The following PARP4 variants were observed in gnomAD, a reference collection of about 807,000 sequenced individuals.
PARP4 encodes poly(ADP-ribose) polymerase family member 4.
In PARP4, 120 loss-of-function variants were observed where a neutral mutation model predicts 187.7. That is an observed-to-expected ratio of 0.64 (90% confidence interval 0.55 to 0.74). The LOEUF is 0.74. Among genes scored for constraint, PARP4 ranks in the 30% least tolerant of loss-of-function variants. The pLI is 0.00. For synonymous variants in PARP4, 654 were observed against 740.9 expected (o/e 0.88, Z 1.90); for missense variants, 1,836 against 2,070.5 (o/e 0.89, Z 2.20).
Position 24,435,445 on chromosome 13 carries a change from T to C in PARP4, c.3696A>G (p.Glu1232=). 1 of 1,606,082 alleles carries C rather than the reference T, an allele frequency of 6.2e-7. No individual in the cohort carries two copies. The highest frequency in any genetic ancestry group is 8.5e-7 in the Non-Finnish European group (1 of 1,177,962). The change falls in exon 31 of 34, where the codon GAA becomes GAG. Residue 1232 remains glutamate, a synonymous_variant. Transcript: ENST00000381989. ...QSLLASSEWP[E]LRLSKRKHRK... is the part of the protein sequence containing the mutation. Reference sequence around the variant, plus strand: ...TATGTTTTCGTTTGGATAAACGTAATTCTGGCCACTCAGAGGATGCTAAAA... The same window carrying C: ...TATGTTTTCGTTTGGATAAACGTAACTCTGGCCACTCAGAGGATGCTAAAA...
At chr13:24,473,087 C>T (rs566139152) in intron 15 of PARP4, among the ~76,000 whole-genome samples, 14 of 151,980 alleles carry the variant, frequency 9.2e-5, no homozygotes, top group Non-Finnish European at 1.3e-4. Context: ...TACGCCACTG[C>T]GCTCAGCCAA....
intron 1 of PARP4, among the ~76,000 whole-genome samples, chr13:24,504,572 A>G (rs2137548960): frequency 6.6e-6 from 1 of 152,124 alleles, no homozygotes; most frequent in South Asian, 2.1e-4. Flanking sequence ...TACAGGTGTG[A>G]GCCACCACAC....
chr13:24,481,960 A>G (rs1179997005), intron 12 of PARP4, among the ~76,000 whole-genome samples: 1 of 152,272 alleles, frequency 6.6e-6, no homozygotes, highest in Admixed American at 6.5e-5. Flanking sequence ...AACCTTCTGG[A>G]AAGGATTTGC....
chr13:24,502,611 G>A (rs1029174769), intron 2 of PARP4, among the ~76,000 whole-genome samples: 6 of 152,242 alleles, frequency 3.9e-5, no homozygotes, highest in African/African-American at 1.4e-4. Flanking sequence ...ATTATCTACA[G>A]TAGCTGGGAT....
At chr13:24,439,933 C>T (rs1481162212) in intron 30 of PARP4, among the ~76,000 whole-genome samples, 1 of 152,204 alleles carries the variant, frequency 6.6e-6, no homozygotes, top group Non-Finnish European at 1.5e-5. Context: ...TGGGAGCCCA[C>T]GATGTTGCCA....
At position 24,490,666 on chromosome 13, in the gene PARP4, A is replaced by AC; in HGVS notation, c.1214+1dup. ...ATCCTGAGATATTTCCTTTATGCTT[A>AC]CCTGTGATGATTCTGCAAAACCTCT... On this transcript the variant is annotated splice_donor_variant, in intron 10 of 33. Transcript: ENST00000381989. LOFTEE classifies it high-confidence loss of function. 6.2e-7 allele frequency: 1 copy of AC among 1,608,538 alleles called. No individual in the cohort carries two copies. Among genetic ancestry groups the AC allele is most frequent in the African/African-American group, 1.3e-5 (1 of 74,906 alleles).
chr13:24,487,894 A>G (rs61948877), intron 10 of PARP4, among the ~76,000 whole-genome samples: 30,466 of 150,940 alleles, frequency 0.2, 982 homozygotes, highest in African/African-American at 0.28. Flanking sequence ...ATATTATCTC[A>G]GGGTTGTCTT....
Position 24,456,495 on chromosome 13 carries a change from G to A in PARP4, c.2425-17C>T, listed in dbSNP as rs762790478. ...GTCTGTGCGCTGCAAAACAAACACC[G>A]CGACAACAAGGTGAGTAATGGAGTA... On this transcript the variant is annotated splice_polypyrimidine_tract_variant and intron_variant, in intron 20 of 33. Coordinates refer to ENST00000381989, the MANE Select transcript of PARP4 (RefSeq NM_006437.4). 62 of 1,579,006 alleles carry A rather than the reference G, an allele frequency of 3.9e-5. 1 individual carries two copies. The highest frequency in any genetic ancestry group is 2.5e-4 in the South Asian group (22 of 87,744).
At chr13:24,449,351 G>T (rs1002792270) in intron 25 of PARP4, among the ~76,000 whole-genome samples, 4 of 140,718 alleles carry the variant, frequency 2.8e-5, no homozygotes, top group African/African-American at 5.4e-5. Context: ...TGGCGCCACT[G>T]CACTCCAGCC....
chr13:24,423,257 A>C (rs1869838473), intron 33 of PARP4, among the ~76,000 whole-genome samples: 1 of 152,196 alleles, frequency 6.6e-6, no homozygotes, highest in Non-Finnish European at 1.5e-5. Flanking sequence ...AAATACAAAA[A>C]ATAGGCTAGT....
At chr13:24,451,793 C>T (rs1022237761) in intron 24 of PARP4, among the ~76,000 whole-genome samples, 8 of 152,196 alleles carry the variant, frequency 5.3e-5, no homozygotes, top group African/African-American at 1.7e-4. Context: ...ACCTTAGTGC[C>T]ATCCAAAAGA....
chr13:24,469,767 T>TA (rs1280185809), intron 16 of PARP4, 127 bp downstream of exon 16: 18 of 967,738 alleles, frequency 1.9e-5, no homozygotes, highest in Non-Finnish European at 2.7e-5. Context: ...CTTCAAAGAA[T>TA]ATTCTCGTTT....
intron 25 of PARP4, among the ~76,000 whole-genome samples, chr13:24,449,369 C>CAGAGCA (rs1871386092): frequency 9.1e-6 from 1 of 109,754 alleles, no homozygotes; most frequent in Non-Finnish European, 1.7e-5. Context: ...GCCTGGGCGA[C>CAGAGCA]AGAGCAAGAC....
chr13:24,444,710 T>C (rs369505540), intron 27 of PARP4, among the ~76,000 whole-genome samples: 3 of 152,170 alleles, frequency 2.0e-5, no homozygotes, highest in African/African-American at 7.2e-5. Context: ...GAGACTTCTT[T>C]GGCATATTTT....
intron 30 of PARP4, among the ~76,000 whole-genome samples, chr13:24,439,540 T>C (rs1870810215): frequency 6.6e-6 from 1 of 152,124 alleles, no homozygotes. Flanking sequence ...TTTTTGTTAA[T>C]TTAATTTTTA....
At chr13:24,442,131 G>A (rs1196104933) in intron 29 of PARP4, among the ~76,000 whole-genome samples, 163 bp from the exon 30 acceptor site, 1 of 150,676 alleles carries the variant, frequency 6.6e-6, no homozygotes, top group Non-Finnish European at 1.5e-5. Context: ...GAGGTGGAGT[G>A]GCTTTCCTCT....
At position 24,496,127 on chromosome 13, in the gene PARP4, G is replaced by A. The variant is rs558486296; in HGVS notation, c.592-1405C>T. 2.3e-4 allele frequency among the ~76,000 whole-genome samples: 35 copies of A among 152,232 alleles called. No individual in the cohort carries two copies. In the South Asian group the frequency reaches 7.0e-3, roughly 31 times the overall value. On this transcript the variant is annotated intron_variant, in intron 6 of 33. Coordinates refer to ENST00000381989, the MANE Select transcript of PARP4 (RefSeq NM_006437.4). ...GCTTGCTAAGGGAGGAAGGCACCCT[G>A]AGGGATGTCCTGGCCTAAACGATGC...
Position 24,478,189 on chromosome 13 carries a change from G to A in PARP4, c.1536C>T (p.Asp512=). Residue 512 remains aspartate, a synonymous_variant, in exon 13 of 34, where the codon GAC becomes GAT. Coordinates refer to ENST00000381989, the MANE Select transcript of PARP4 (RefSeq NM_006437.4). ...TTAAGGAAAAGTCCTTCTCATGTAAGTCCATACACTTTCCGAGGGCTACGT... is the reference window on the plus strand; with the variant it reads ...TTAAGGAAAAGTCCTTCTCATGTAAATCCATACACTTTCCGAGGGCTACGT... ...ICDVALGKCM[D]LHEKDFSLTE... 1.2e-6 allele frequency: 2 copies of A among 1,613,858 alleles called. No individual in the cohort carries two copies. Among genetic ancestry groups the A allele is most frequent in the Non-Finnish European group, 1.7e-6 (2 of 1,179,816 alleles).
chr13:24,486,097 G>GA, intron 11 of PARP4, 71 bp downstream of exon 11: 1 of 1,411,810 alleles, frequency 7.1e-7, no homozygotes, highest in Non-Finnish European at 9.7e-7. Flanking sequence ...AAAAAAGTAG[G>GA]AAAAAAAGAA....
Sources: gnomAD v4.1 joint callset for allele counts (sites outside exome capture counted in the v4.1 genomes callset) on GRCh38, gnomAD v4.1.1 for gene constraint, MANE v1.5 for transcripts, NCBI Gene and HGNC (gene_info 2026-07-23, HGNC 2026-07-21) for gene names.